MALRD1: variants seen among roughly 807,000 people sequenced by gnomAD.
MALRD1 encodes the protein MAM and LDL-receptor class A domain-containing protein 1.
A neutral mutation model predicts 242.1 loss-of-function variants in MALRD1; 247 were observed. The ratio of observed to expected loss-of-function variants is 1.02; its 90% CI spans 0.92 to 1.13. The LOEUF is 1.13. Among genes scored for constraint, MALRD1 ranks in the 50% most tolerant of loss-of-function variants. The probability of loss-of-function intolerance (pLI) is 0.00; values close to 1 mark genes in which losing one functional copy is unlikely to be tolerated. For missense variants in MALRD1, 2,989 were observed against 2,533.1 expected, an observed-to-expected ratio of 1.18 and a Z score of -3.86; for synonymous variants, 995 against 866.6, an observed-to-expected ratio of 1.15 and a Z score of -2.60.
In MALRD1 at chr10:19,283,047, A is replaced by T; in HGVS notation, c.3285A>T (p.Arg1095Ser). ...CVMEVCSFEKRSLCKWYQPIP... is the reference protein window; with the variant it reads ...CVMEVCSFEKSSLCKWYQPIP... Reference sequence around the variant, plus strand: ...TGGAAGTTTGCAGCTTTGAGAAAAGAAGCCTGTGTAAATGGTATCAACCAA... The same window carrying T: ...TGGAAGTTTGCAGCTTTGAGAAAAGTAGCCTGTGTAAATGGTATCAACCAA... The change falls in exon 21 of 40, where the codon AGA (arginine) becomes AGT (serine). Residue 1095 changes from arginine (R) to serine (S), a missense_variant. Transcript: ENST00000454679. The T allele has an allele frequency of 6.5e-7, 1 of 1,548,152 alleles. No homozygotes were observed. Among genetic ancestry groups the T allele is most frequent in the African/African-American group, 1.4e-5 (1 of 73,056 alleles).
In MALRD1 at chr10:19,254,502, G is replaced by A. The variant is rs200071711; in HGVS notation, c.2992-3182G>A. On this transcript the variant is annotated intron_variant, in intron 18 of 39. Transcript: ENST00000454679. ...GTGCATTGCCATGTCATATAAAAGT[G>A]TATGTTTAATTTTATAAGAACCTGC... Among the ~76,000 whole-genome samples the A allele has an allele frequency of 2.6e-4, 40 of 152,046 alleles. No homozygotes were observed. In the East Asian group the frequency reaches 6.0e-3, roughly 23 times the overall value.
chr10:19,360,344 C>G (rs933086519), intron 26 of MALRD1, among the ~76,000 whole-genome samples: 1 of 152,052 alleles, frequency 6.6e-6, no homozygotes, highest in Non-Finnish European at 1.5e-5. Context: ...TTTAAAAATA[C>G]TTATCTTCTG....
chr10:19,239,383 A>G (rs978217135), intron 18 of MALRD1, among the ~76,000 whole-genome samples: 3 of 152,144 alleles, frequency 2.0e-5, no homozygotes, highest in African/African-American at 7.2e-5. Context: ...AGTTTCTTAT[A>G]TAATGTGGGC....
At chr10:19,477,618 TTAA>T (rs1270827246) in intron 29 of MALRD1, among the ~76,000 whole-genome samples, 1 of 152,112 alleles carries the variant, frequency 6.6e-6, no homozygotes, top group Admixed American at 6.6e-5. Flanking sequence ...GGGTGGAGGT[TTAA>T]TAGGCGAAAG....
intron 18 of MALRD1, among the ~76,000 whole-genome samples, chr10:19,227,646 A>G (rs887869999): frequency 6.6e-6 from 1 of 152,122 alleles, no homozygotes; most frequent in Non-Finnish European, 1.5e-5. Context: ...AATTTAAAAC[A>G]CAGAATCAAA....
rs1183728016 is a variant in MALRD1, at chr10:19,165,774, C to T, written c.1794C>T (p.Leu598=). The T allele has an allele frequency of 9.7e-6, 12 of 1,231,558 alleles. No individual in the cohort carries two copies. Among genetic ancestry groups the T allele is most frequent in the Non-Finnish European group, 1.1e-5 (11 of 987,950 alleles). The allele number at this position is 1,231,558 out of a possible 1,614,324, so 76.3% of individuals were successfully genotyped here. A position where few individuals can be genotyped will look rare whatever the true frequency, so the allele number is the denominator to read the frequency against. The change falls in exon 13 of 40, where the codon CTC becomes CTT. Residue 598 remains leucine (L), a synonymous_variant. Coordinates refer to ENST00000454679, the MANE Select transcript of MALRD1 (RefSeq NM_001142308.3). ...AGTGGAGCCACGCAAAAATTGATCT[C>T]ATTGCAGAAGCGGGAGAATCTACTC... is the stretch of plus-strand genomic sequence containing the variant. ...ESQWSHAKID[L]IAEAGESTLP...
At chr10:19,582,410 G>C (rs993877275) in intron 33 of MALRD1, among the ~76,000 whole-genome samples, 3 of 145,884 alleles carry the variant, frequency 2.1e-5, no homozygotes, top group Non-Finnish European at 3.1e-5. Context: ...TAAGGTGTAA[G>C]GAAGGGATCC....
intron 33 of MALRD1, among the ~76,000 whole-genome samples, chr10:19,580,497 C>G (rs146003145): frequency 6.6e-6 from 1 of 152,158 alleles, no homozygotes; most frequent in Non-Finnish European, 1.5e-5. Flanking sequence ...CACTGCCCAG[C>G]TATCTTCTCC....
chr10:19,058,927 T>C (rs1016784523), intron 1 of MALRD1, among the ~76,000 whole-genome samples: 2 of 152,170 alleles, frequency 1.3e-5, no homozygotes, highest in Non-Finnish European at 1.5e-5. Flanking sequence ...TCTACCTTTC[T>C]TTGTTTAGTA....
intron 38 of MALRD1, among the ~76,000 whole-genome samples, chr10:19,694,548 G>C (rs578087507): frequency 1.3e-5 from 2 of 152,282 alleles, no homozygotes; most frequent in African/African-American, 4.8e-5. Context: ...AGTTAGAATG[G>C]CGATCATTAA....
At chr10:19,270,464 G>A (rs1016353262) in intron 19 of MALRD1, among the ~76,000 whole-genome samples, 4 of 151,860 alleles carry the variant, frequency 2.6e-5, no homozygotes, top group African/African-American at 9.7e-5. Flanking sequence ...CTATAACATA[G>A]CGTGCATTGA....
At chr10:19,382,468 A>G (rs561512473) in intron 26 of MALRD1, among the ~76,000 whole-genome samples, 1 of 152,300 alleles carries the variant, frequency 6.6e-6, no homozygotes, top group Admixed American at 6.5e-5. Flanking sequence ...TTCTTTGCTT[A>G]TCTGCTATTA....
chr10:19,538,705 A>G (rs1376214464), intron 32 of MALRD1, among the ~76,000 whole-genome samples: 4 of 152,170 alleles, frequency 2.6e-5, no homozygotes, highest in South Asian at 4.1e-4. Flanking sequence ...CCAAACTTAA[A>G]GAAATAAAAG....
intron 25 of MALRD1, among the ~76,000 whole-genome samples, chr10:19,349,153 G>A (rs1178768962): frequency 6.6e-6 from 1 of 152,078 alleles, no homozygotes; most frequent in African/African-American, 2.4e-5. Flanking sequence ...TAGCGATGAG[G>A]TTTCACTATG....
chr10:19,388,886 A>G (rs1236009714), intron 27 of MALRD1, among the ~76,000 whole-genome samples: 2 of 151,030 alleles, frequency 1.3e-5, no homozygotes, highest in Admixed American at 1.3e-4. Flanking sequence ...CTACTGAAAA[A>G]AAAAAAAAAA....
rs144124650 is a variant in MALRD1 at position 19,052,278 on chromosome 10, A to G, written c.199+3141A>G. 658 of 204,394 alleles carry G rather than the reference A, an allele frequency of 3.2e-3. 2 individuals carry two copies. The highest frequency in any genetic ancestry group is 4.2e-3 in the Non-Finnish European group (424 of 100,430). 12.7% of individuals were successfully genotyped at this position (204,394 alleles called of 1,614,324 possible). ...TTTTCCACAGTAGTAAATTTTCTAGATACGTCTTGTAGACCTCAAAGTACT... is the reference window on the plus strand; with the variant it reads ...TTTTCCACAGTAGTAAATTTTCTAGGTACGTCTTGTAGACCTCAAAGTACT... On this transcript the variant is annotated intron_variant, in intron 1 of 39. Transcript: ENST00000454679.
intron 32 of MALRD1, among the ~76,000 whole-genome samples, chr10:19,544,322 G>T (rs2131385245): frequency 6.6e-6 from 1 of 152,050 alleles, no homozygotes; most frequent in South Asian, 2.1e-4. Context: ...CAATTAGCTG[G>T]GAATACAGGT....
intron 26 of MALRD1, among the ~76,000 whole-genome samples, chr10:19,372,821 T>G (rs1333669906): frequency 6.6e-6 from 1 of 152,110 alleles, no homozygotes; most frequent in Non-Finnish European, 1.5e-5. Context: ...AAATTTAAAT[T>G]AAAGGTAAAT....
chr10:19,626,435 C>T lies in MALRD1; in HGVS notation c.6137+10512C>T, dbSNP rs1382401974. On this transcript the variant is annotated intron_variant, in intron 36 of 39. Coordinates refer to ENST00000454679, the MANE Select transcript of MALRD1 (RefSeq NM_001142308.3). The stretch of plus-strand genomic sequence containing the variant: ...GAAAAAGAAGAAACAAATATTTTTG[C>T]AGATATTGACAGCCTAGGAAATCCA... 1.2e-4 allele frequency among the ~76,000 whole-genome samples: 18 copies of T among 151,282 alleles called. 1 individual carries two copies.
Sources: allele counts gnomAD v4.1 joint callset (sites outside exome capture counted in the v4.1 genomes callset), GRCh38; gene constraint gnomAD v4.1.1; transcripts MANE v1.5; gene names NCBI Gene and HGNC (gene_info 2026-07-23, HGNC 2026-07-21).